Variants in SLC9A9 observed in about 807,000 individuals in gnomAD.
SLC9A9 encodes the protein sodium/hydrogen exchanger 9.
A neutral mutation model predicts 77.8 loss-of-function variants in SLC9A9; 62 were observed. That is an observed-to-expected ratio of 0.80 (90% CI 0.65 to 0.98). SLC9A9 has a LOEUF of 0.98. Ranked by LOEUF, SLC9A9 falls within the 50% of genes least tolerant of loss-of-function variation. SLC9A9 has a pLI of 0.00. For synonymous variants in SLC9A9, 320 were observed against 283.5 expected (o/e 1.13, Z -1.29); for missense variants, 775 against 774.9 (o/e 1.00, Z 0.00).
chr3:143,744,012 T>A (rs934732130), intron 4 of SLC9A9, among the ~76,000 whole-genome samples: 1 of 152,154 alleles, frequency 6.6e-6, no homozygotes, highest in African/African-American at 2.4e-5. Flanking sequence ...GCTTTTATGA[T>A]TCTATGGATG....
intron 8 of SLC9A9, among the ~76,000 whole-genome samples, chr3:143,563,756 G>A (rs1431408507): frequency 6.6e-6 from 1 of 152,110 alleles, no homozygotes; most frequent in African/African-American, 2.4e-5. Context: ...GCCAATAAGG[G>A]TCAAGAAACT....
chr3:143,779,560 G>A (rs1051235978), intron 4 of SLC9A9, among the ~76,000 whole-genome samples: 12 of 151,984 alleles, frequency 7.9e-5, no homozygotes, highest in East Asian at 1.9e-4. Context: ...TAGTACAGTC[G>A]GGGTTTCACC....
chr3:143,329,588 C>A (rs1464742592), intron 14 of SLC9A9, among the ~76,000 whole-genome samples: 1 of 152,206 alleles, frequency 6.6e-6, no homozygotes, highest in African/African-American at 2.4e-5. Flanking sequence ...GCCTCCTGCG[C>A]GTGCTGCTCC....
chr3:143,812,015 A>G (rs1345198215), intron 2 of SLC9A9, among the ~76,000 whole-genome samples: 1 of 152,174 alleles, frequency 6.6e-6, no homozygotes. Context: ...TTCCTAAGGA[A>G]TAGAGGGGAA....
intron 9 of SLC9A9, chr3:143,518,019 C>T (rs1401010099): frequency 3.5e-6 from 5 of 1,426,802 alleles, no homozygotes; most frequent in African/African-American, 1.4e-5. Flanking sequence ...GGTTCTTCTG[C>T]CTTTAAGTCT....
intron 6 of SLC9A9, among the ~76,000 whole-genome samples, chr3:143,601,507 C>A (rs1473094593): frequency 6.6e-6 from 1 of 152,158 alleles, no homozygotes; most frequent in African/African-American, 2.4e-5. Flanking sequence ...AATGGGGGAG[C>A]CAGCGTTTCT....
intron 4 of SLC9A9, among the ~76,000 whole-genome samples, chr3:143,770,045 T>C (rs2007462648): frequency 6.6e-6 from 1 of 152,212 alleles, no homozygotes; most frequent in South Asian, 2.1e-4. Context: ...TCATTCATAA[T>C]AAATTGCTTA....
Position 143,434,935 on chromosome 3 carries a change from G to A in SLC9A9, c.1469+32102C>T, listed in dbSNP as rs73867630. 3.5e-3 allele frequency among the ~76,000 whole-genome samples: 537 copies of A among 151,980 alleles called. 2 individuals are homozygous for A. Among genetic ancestry groups the A allele is most frequent in the African/African-American group, 0.012 (483 of 41,466 alleles). The stretch of plus-strand genomic sequence containing the variant: ...ACGAGCCCCTTCTGACCTCCCTGCC[G>A]CTGCTCATTTTAACCTATTCCCTGG... On this transcript the variant is annotated intron_variant, in intron 12 of 15. Transcript: ENST00000316549.
At chr3:143,544,538 G>T (rs1241864432) in intron 9 of SLC9A9, among the ~76,000 whole-genome samples, 1 of 152,026 alleles carries the variant, frequency 6.6e-6, no homozygotes, top group Non-Finnish European at 1.5e-5. Context: ...TCATTTAGTT[G>T]TTTAAGTTTC....
chr3:143,365,345 C>A (rs1342306694), intron 13 of SLC9A9, among the ~76,000 whole-genome samples: 1 of 152,122 alleles, frequency 6.6e-6, no homozygotes, highest in East Asian at 1.9e-4. Context: ...GGAGATGAAA[C>A]AATCTATATC....
chr3:143,322,505 C>T (rs561230829), intron 14 of SLC9A9, among the ~76,000 whole-genome samples: 21 of 150,630 alleles, frequency 1.4e-4, no homozygotes, highest in Non-Finnish European at 2.5e-4. Context: ...GTCTCCATAA[C>T]TACTGCATGA....
At chr3:143,407,721 T>C (rs748363230) in intron 12 of SLC9A9, among the ~76,000 whole-genome samples, 2 of 152,168 alleles carry the variant, frequency 1.3e-5, no homozygotes, top group Admixed American at 1.3e-4. Context: ...GTTCCTCCCA[T>C]GGAAAAGTGA....
intron 2 of SLC9A9, among the ~76,000 whole-genome samples, chr3:143,830,036 C>T (rs1462807153): frequency 2.6e-5 from 4 of 152,152 alleles, no homozygotes; most frequent in African/African-American, 4.8e-5. Context: ...ATAAGCCTCC[C>T]AAAGGAGAAT....
chr3:143,822,293 C>T (rs1453065320), intron 2 of SLC9A9, among the ~76,000 whole-genome samples: 1 of 152,200 alleles, frequency 6.6e-6, no homozygotes, highest in Non-Finnish European at 1.5e-5. Context: ...TACACACTAC[C>T]TGAGGGTCCA....
chr3:143,338,964 C>T (rs2032009537), intron 14 of SLC9A9, among the ~76,000 whole-genome samples: 1 of 152,154 alleles, frequency 6.6e-6, no homozygotes, highest in Admixed American at 6.5e-5. Flanking sequence ...CTGAAAAATT[C>T]TTAACTTCTG....
At chr3:143,307,221 A>G (rs1006337709) in intron 14 of SLC9A9, among the ~76,000 whole-genome samples, 4 of 152,210 alleles carry the variant, frequency 2.6e-5, no homozygotes, top group Non-Finnish European at 5.9e-5. Context: ...TGTTTATACC[A>G]TGGAAACTGG....
chr3:143,649,806 A>G (rs2038767790), intron 6 of SLC9A9, among the ~76,000 whole-genome samples: 1 of 152,214 alleles, frequency 6.6e-6, no homozygotes, highest in Admixed American at 6.5e-5. Flanking sequence ...ATCAAAATGG[A>G]AAACTTTTTT....
chr3:143,391,329 C>T (rs1031266158), intron 12 of SLC9A9, among the ~76,000 whole-genome samples: 1 of 152,206 alleles, frequency 6.6e-6, no homozygotes, highest in African/African-American at 2.4e-5. Context: ...CTGCTGATAC[C>T]CAGGCAAACA....
intron 7 of SLC9A9, among the ~76,000 whole-genome samples, chr3:143,577,550 C>T (rs145311947): frequency 3.3e-5 from 5 of 152,298 alleles, no homozygotes; most frequent in African/African-American, 7.2e-5. Flanking sequence ...AACTTCGATG[C>T]GGCTCTGGCA....
Sources: gnomAD v4.1 joint callset for allele counts (sites outside exome capture counted in the v4.1 genomes callset) on GRCh38, gnomAD v4.1.1 for gene constraint, MANE v1.5 for transcripts, NCBI Gene and HGNC (gene_info 2026-07-23, HGNC 2026-07-21) for gene names.